DUSP13B: variants seen among roughly 807,000 people sequenced by gnomAD.
DUSP13B encodes dual specificity protein phosphatase 13B.
At chr10:75,109,022 A>G in the DUSP13B span, 1 of 1,608,534 alleles carries the variant, frequency 6.2e-7, no homozygotes. Context: ...TCTCCTATGA[A>G]AAGGTTGGGC....
the DUSP13B span, chr10:75,103,755 T>C: frequency 3.1e-6 from 2 of 638,332 alleles, no homozygotes; most frequent in Non-Finnish European, 4.6e-6. Context: ...GGGGAGCTGC[T>C]GGAGACAGCT....
At chr10:75,101,786 G>C in the DUSP13B span, 15 of 652,688 alleles carry the variant, frequency 2.3e-5, no homozygotes, top group Non-Finnish European at 3.6e-5. Flanking sequence ...TCCCCACACA[G>C]GCACAAGTGT....
chr10:75,106,906 G>C, the DUSP13B span, among the ~76,000 whole-genome samples: 8 of 152,354 alleles, frequency 5.3e-5, no homozygotes, highest in East Asian at 1.5e-3. Flanking sequence ...GTCCAGAAAG[G>C]GACACTGGCT....
chr10:75,098,987 C>G, the DUSP13B span: 1 of 1,232,122 alleles, frequency 8.1e-7, no homozygotes, highest in East Asian at 3.2e-5. Flanking sequence ...CCTGGTACTG[C>G]TGAGCCACAC....
At chr10:75,095,859 G>T in the DUSP13B span, 2 of 1,539,228 alleles carry the variant, frequency 1.3e-6, no homozygotes, top group Non-Finnish European at 1.8e-6. Context: ...AGCTCTGGCT[G>T]GGTTGAAGTT....
the DUSP13B span, chr10:75,099,583 C>T: frequency 8.1e-7 from 1 of 1,229,318 alleles, no homozygotes; most frequent in Non-Finnish European, 1.0e-6. Context: ...GGGGGTGGGG[C>T]CTGAGAGCCG....
At chr10:75,100,872 A>G in the DUSP13B span, among the ~76,000 whole-genome samples, 4 of 152,318 alleles carry the variant, frequency 2.6e-5, no homozygotes, top group Non-Finnish European at 5.9e-5. Flanking sequence ...GCCTCCCATG[A>G]CGCTGCTCTG....
At chr10:75,108,001 T>A in the DUSP13B span, 1 of 1,612,202 alleles carries the variant, frequency 6.2e-7, no homozygotes, top group Non-Finnish European at 8.5e-7. Context: ...CCCCCAGGCG[T>A]GTTGAGGGCA....
the DUSP13B span, chr10:75,109,103 G>A: frequency 1.2e-6 from 2 of 1,611,790 alleles, no homozygotes; most frequent in Admixed American, 3.3e-5. Flanking sequence ...AGGATGCTGG[G>A]GCAAGGCGTG....
chr10:75,101,671 T>G, the DUSP13B span, among the ~76,000 whole-genome samples: 2 of 152,174 alleles, frequency 1.3e-5, no homozygotes, highest in Non-Finnish European at 2.9e-5. Context: ...AGCCAATTGA[T>G]GTGGGAGTCA....
chr10:75,104,270 C>T, the DUSP13B span, among the ~76,000 whole-genome samples: 1 of 152,148 alleles, frequency 6.6e-6, no homozygotes, highest in South Asian at 2.1e-4. Flanking sequence ...GATTTGGTAT[C>T]CATGGCTTAG....
chr10:75,101,976 G>C, the DUSP13B span: 3 of 1,366,128 alleles, frequency 2.2e-6, no homozygotes, highest in Non-Finnish European at 2.9e-6. Context: ...TTTTTGATTT[G>C]AGTTTAATTA....
the DUSP13B span, among the ~76,000 whole-genome samples, chr10:75,102,818 G>A: frequency 4.6e-5 from 7 of 152,268 alleles, no homozygotes; most frequent in African/African-American, 1.4e-4. Context: ...TGGGCGTGGT[G>A]GCGCATGCCT....
the DUSP13B span, chr10:75,108,203 C>T: frequency 6.9e-6 from 11 of 1,601,936 alleles, no homozygotes; most frequent in African/African-American, 4.0e-5. Context: ...GGTTGTTTGC[C>T]GTGGCCCTGG....
At chr10:75,104,115 T>C in the DUSP13B span, 1 of 1,328,164 alleles carries the variant, frequency 7.5e-7, no homozygotes, top group Non-Finnish European at 1.0e-6. Context: ...AGAGATGAGC[T>C]CTGTGTTACA....
chr10:75,105,662 T>C, the DUSP13B span: 19 of 1,548,378 alleles, frequency 1.2e-5, no homozygotes, highest in Middle Eastern at 4.6e-4. Flanking sequence ...AGGCCTCACC[T>C]GGCCCCTCAG....
chr10:75,105,872 A>G, the DUSP13B span: 1 of 1,546,056 alleles, frequency 6.5e-7, no homozygotes, highest in Middle Eastern at 1.9e-4. Context: ...ACCTTGGCTG[A>G]GGAAGACATC....
chr10:75,101,621 C>T, the DUSP13B span, among the ~76,000 whole-genome samples: 152 of 152,232 alleles, frequency 1.0e-3, no homozygotes, highest in African/African-American at 3.4e-3. Flanking sequence ...ATGAGGAAAC[C>T]GAGACTCAGA....
the DUSP13B span, chr10:75,094,667 C>T: frequency 6.2e-7 from 1 of 1,612,826 alleles, no homozygotes; most frequent in Non-Finnish European, 8.5e-7. Context: ...ATCCTGGCTG[C>T]CTGCCAGATC....
Sources: gnomAD v4.1 joint callset for allele counts (sites outside exome capture counted in the v4.1 genomes callset) on GRCh38, gnomAD v4.1.1 for gene constraint, MANE v1.5 for transcripts, NCBI Gene and HGNC (gene_info 2026-07-23, HGNC 2026-07-21) for gene names.